The following SECTM1 variants were observed in gnomAD, a reference collection of about 807,000 sequenced individuals.
SECTM1 encodes the protein secreted and transmembrane protein 1.
SECTM1 carries 10 observed loss-of-function variants against 18.1 expected under a neutral mutation model. The ratio of observed to expected loss-of-function variants is 0.55; its 90% CI spans 0.34 to 0.94. The LOEUF (loss-of-function observed/expected upper bound fraction) is 0.94. Among genes scored for constraint, SECTM1 ranks in the 40% least tolerant of loss-of-function variants. SECTM1 has a pLI of 0.02. For missense variants in SECTM1, 297 were observed against 322.6 expected (o/e 0.92, Z 0.61); for synonymous variants, 137 against 139.2 (o/e 0.98, Z 0.11).
Position 82,330,223 on chromosome 17 carries a change from C to T in SECTM1, c.-52-2931G>A, listed in dbSNP as rs532836059. Among the ~76,000 whole-genome samples the T allele has an allele frequency of 1.4e-3, 216 of 152,306 alleles. 3 individuals carry two copies. The highest frequency in any genetic ancestry group is 4.8e-3 in the African/African-American group (198 of 41,570). ...CTGGGGGCTCCCCCACTGCTCTCCGCACCACCCCGCCGACCGTGTCCGGGA... is the reference window on the plus strand; with the variant it reads ...CTGGGGGCTCCCCCACTGCTCTCCGTACCACCCCGCCGACCGTGTCCGGGA... On this transcript the variant is annotated intron_variant, in intron 1 of 4. Coordinates refer to ENST00000269389, the MANE Select transcript of SECTM1 (RefSeq NM_003004.3). The surrounding 1 kb of genome is among the most constrained non-coding windows in gnomAD (Gnocchi z 6.1).
rs71369010 is a variant in SECTM1 at position 82,326,624 on chromosome 17, T to TAA, written c.94+521_94+522dup. 3.2e-3 allele frequency among the ~76,000 whole-genome samples: 478 copies of TAA among 150,410 alleles called. 12 individuals are homozygous for TAA. Among genetic ancestry groups the TAA allele is most frequent in the Admixed American group, 0.028 (421 of 15,190 alleles). On this transcript the variant is annotated intron_variant, in intron 2 of 4. Transcript: ENST00000269389. This position sits in a 1 kb window ranked among gnomAD's most constrained non-coding sequence, Gnocchi z 4.3. ...TAGAACCCGTCTCAAAAAAAAAAGA[T>TAA]AAGAAAAGAAAAGCCCCTCAGGTCA... is the stretch of plus-strand genomic sequence containing the variant.
rs986043498 is a variant in SECTM1, at chr17:82,330,355, T to C, written c.-52-3063A>G. Among the ~76,000 whole-genome samples the C allele has an allele frequency of 6.6e-6, 1 of 152,086 alleles. No homozygotes were observed. The highest frequency in any genetic ancestry group is 1.5e-5 in the Non-Finnish European group (1 of 67,978). On this transcript the variant is annotated intron_variant, in intron 1 of 4. Coordinates refer to ENST00000269389, the MANE Select transcript of SECTM1 (RefSeq NM_003004.3). The surrounding 1 kb of genome is among the most constrained non-coding windows in gnomAD (Gnocchi z 6.1). ...CACAAATGCTTCCAGGGACTGCCCC[T>C]GCCATGTGTTAGGGGTGGGAATTCT...
At position 82,324,563 on chromosome 17, in the gene SECTM1, TC is replaced by T. The variant is rs1192165010; in HGVS notation, c.403+18del. On this transcript the variant is annotated intron_variant, in intron 3 of 4. Coordinates refer to ENST00000269389, the MANE Select transcript of SECTM1 (RefSeq NM_003004.3). ...CCCTCTCACTCCCCTCCCCCTTGCT[TC>T]CCCGAGCCTCCCCTCACCTGAAACC... is the stretch of plus-strand genomic sequence containing the variant. 1 of 1,337,410 alleles carries T rather than the reference TC, an allele frequency of 7.5e-7. No individual in the cohort carries two copies. Among genetic ancestry groups the T allele is most frequent in the Non-Finnish European group, 1.0e-6 (1 of 1,003,958 alleles). 82.8% of individuals were successfully genotyped at this position (1,337,410 alleles called of 1,614,324 possible).
At chr17:82,324,928 G>A (rs1486382826) in intron 2 of SECTM1, 38 bp from the exon 3 acceptor site, 3 of 1,571,666 alleles carry the variant, frequency 1.9e-6, no homozygotes, top group Non-Finnish European at 2.6e-6. Context: ...GATCAGGGCT[G>A]GACCTCAGGG....
At chr17:82,327,465 G>A (rs1976734977) in intron 1 of SECTM1, among the ~76,000 whole-genome samples, 173 bp from the exon 2 acceptor site, 2 of 152,216 alleles carry the variant, frequency 1.3e-5, no homozygotes, top group Admixed American at 1.3e-4. Flanking sequence ...TGTAGAGGGT[G>A]TGCAATGCTG....
At chr17:82,331,688 G>A (rs377248336) in intron 1 of SECTM1, among the ~76,000 whole-genome samples, 169 of 152,358 alleles carry the variant, frequency 1.1e-3, no homozygotes, top group African/African-American at 3.8e-3. Context: ...TGAATGCCAC[G>A]CAGTGGCTAA....
In SECTM1 at chr17:82,326,100, G is replaced by C. The variant is rs1325795942; in HGVS notation, c.94+1047C>G. Among the ~76,000 whole-genome samples, 3 of 152,230 alleles carry C rather than the reference G, an allele frequency of 2.0e-5. No individual in the cohort carries two copies. The highest frequency in any genetic ancestry group is 7.2e-5 in the African/African-American group (3 of 41,456). ...CTGCACAAATTCACACCGTCCCGAG[G>C]GCAGCGGGCGGCTGTCCAGGGGGTG... On this transcript the variant is annotated intron_variant, in intron 2 of 4. Transcript: ENST00000269389. The surrounding 1 kb of genome is among the most constrained non-coding windows in gnomAD (Gnocchi z 4.3).
At position 82,326,744 on chromosome 17, in the gene SECTM1, G is replaced by A. The variant is rs544328486; in HGVS notation, c.94+403C>T. ...TCCACTCCTGGCAGGCCTGAGGTGC[G>A]CCTGACTAAGGAGCCCCCAGGCCAG... is the stretch of plus-strand genomic sequence containing the variant. On this transcript the variant is annotated intron_variant, in intron 2 of 4. Transcript: ENST00000269389. The surrounding 1 kb of genome is among the most constrained non-coding windows in gnomAD (Gnocchi z 4.3). 8.5e-4 allele frequency among the ~76,000 whole-genome samples: 130 copies of A among 152,256 alleles called. No individual in the cohort carries two copies. Among genetic ancestry groups the A allele is most frequent in the Non-Finnish European group, 1.6e-3 (108 of 68,006 alleles).
intron 3 of SECTM1, among the ~76,000 whole-genome samples, 182 bp downstream of exon 3, chr17:82,324,400 G>A (rs2052126117): frequency 6.6e-6 from 1 of 151,958 alleles, no homozygotes; most frequent in Admixed American, 6.6e-5. Flanking sequence ...TGTCCCAGGA[G>A]GTCAAGAGGC....
At position 82,326,218 on chromosome 17, in the gene SECTM1, A is replaced by C. The variant is rs1010498605; in HGVS notation, c.94+929T>G. On this transcript the variant is annotated intron_variant, in intron 2 of 4. Coordinates refer to ENST00000269389, the MANE Select transcript of SECTM1 (RefSeq NM_003004.3). The surrounding 1 kb of genome is among the most constrained non-coding windows in gnomAD (Gnocchi z 4.3). Reference sequence around the variant, plus strand: ...CTTCCACCTGGGATTCTTCCCTTTCAGTTTTGTTTTGTTTTTTGTTCGTTC... The same window carrying C: ...CTTCCACCTGGGATTCTTCCCTTTCCGTTTTGTTTTGTTTTTTGTTCGTTC... Among the ~76,000 whole-genome samples the C allele has an allele frequency of 6.6e-6, 1 of 152,112 alleles. No individual in the cohort carries two copies. Among genetic ancestry groups the C allele is most frequent in the Non-Finnish European group, 1.5e-5 (1 of 68,000 alleles).
chr17:82,333,584 G>GAGTCCCCAGCACCGGGCCCTCAGCACCA (rs2052210175), intron 1 of SECTM1, 116 bp downstream of exon 1: 2 of 180,332 alleles, frequency 1.1e-5, no homozygotes, highest in African/African-American at 4.8e-5. Context: ...CCCCAGCACC[G>GAGTCCCCAGCACCGGGCCCTCAGCACCA]AGTCCCCAGC....
intron 1 of SECTM1, among the ~76,000 whole-genome samples, chr17:82,333,237 C>T (rs987517787): frequency 6.6e-6 from 1 of 152,232 alleles, no homozygotes; most frequent in African/African-American, 2.4e-5. Flanking sequence ...GTCGCAGCGA[C>T]GGCGCAGGGA....
rs575822520 is a variant in SECTM1, at chr17:82,326,089, A to G, written c.94+1058T>C. On this transcript the variant is annotated intron_variant, in intron 2 of 4. Coordinates refer to ENST00000269389, the MANE Select transcript of SECTM1 (RefSeq NM_003004.3). This position sits in a 1 kb window ranked among gnomAD's most constrained non-coding sequence, Gnocchi z 4.3. ...CTCTAAGGCCACTGCACAAATTCAC[A>G]CCGTCCCGAGGGCAGCGGGCGGCTG... 3.4e-3 allele frequency among the ~76,000 whole-genome samples: 511 copies of G among 151,984 alleles called. 3 individuals are homozygous for G. The highest frequency in any genetic ancestry group is 0.012 in the African/African-American group (494 of 41,468).
At chr17:82,331,392 G>A (rs2052190315) in intron 1 of SECTM1, among the ~76,000 whole-genome samples, 1 of 152,162 alleles carries the variant, frequency 6.6e-6, no homozygotes, top group African/African-American at 2.4e-5. Flanking sequence ...GGTTGCTGTG[G>A]GAATTTGCTC....
chr17:82,331,330 CG>C (rs1339579371), intron 1 of SECTM1, among the ~76,000 whole-genome samples: 1 of 152,096 alleles, frequency 6.6e-6, no homozygotes, highest in South Asian at 2.1e-4. Context: ...CTTCAGGCTG[CG>C]GACCATGCGT....
chr17:82,326,991 C>T lies in SECTM1; in HGVS notation c.94+156G>A, dbSNP rs2052151830. On this transcript the variant is annotated intron_variant, in intron 2 of 4. Coordinates refer to ENST00000269389, the MANE Select transcript of SECTM1 (RefSeq NM_003004.3). The surrounding 1 kb of genome is among the most constrained non-coding windows in gnomAD (Gnocchi z 4.3). ...GTCCACTCACCGCCACCTGAGGCAG[C>T]CCAGCTCCACATGGTCAGGCCCTGG... Among the ~76,000 whole-genome samples, 1 of 136,264 alleles carries T rather than the reference C, an allele frequency of 7.3e-6. No individual in the cohort carries two copies. The highest frequency in any genetic ancestry group is 1.6e-5 in the Non-Finnish European group (1 of 62,464). 89.4% of individuals were successfully genotyped at this position (136,264 alleles called of 152,430 possible). A position where few individuals can be genotyped will look rare whatever the true frequency, so the allele number is the denominator to read the frequency against.
In SECTM1 at chr17:82,327,166, G is replaced by A; in HGVS notation, c.75C>T (p.Ser25=). The A allele has an allele frequency of 6.2e-7, 1 of 1,611,834 alleles. No individual in the cohort carries two copies. The highest frequency in any genetic ancestry group is 8.5e-7 in the Non-Finnish European group (1 of 1,178,946). ...ACCTACCTTCATTCTGAGCACTCAA[G>A]GAGGCAGCCAAAAACAGGAGGGTCC... ...ALGTLLFLAA[S]LSAQNEGWDS... Residue 25 remains serine, a synonymous_variant, in exon 2 of 5, where the codon TCC becomes TCT. Coordinates refer to ENST00000269389, the MANE Select transcript of SECTM1 (RefSeq NM_003004.3).
intron 2 of SECTM1, 40 bp downstream of exon 2, chr17:82,327,107 C>T: frequency 1.3e-6 from 2 of 1,517,718 alleles, no homozygotes; most frequent in Non-Finnish European, 1.8e-6. Context: ...CCCACCGGGC[C>T]CCCCTTTCCC....
intron 4 of SECTM1, 108 bp downstream of exon 4, chr17:82,322,770 C>T: frequency 7.4e-7 from 1 of 1,358,300 alleles, no homozygotes; most frequent in South Asian, 1.4e-5. Context: ...CTCCCCCCAC[C>T]CTCTCCTGGA....
Sources: gnomAD v4.1 joint callset for allele counts (sites outside exome capture counted in the v4.1 genomes callset) on GRCh38, gnomAD v4.1.1 for gene constraint, Gnocchi (gnomAD v3.1) non-coding constraint, MANE v1.5 for transcripts, NCBI Gene and HGNC (gene_info 2026-07-23, HGNC 2026-07-21) for gene names.